The following ZNF398 variants were observed in gnomAD, a reference collection of about 807,000 sequenced individuals.
The protein encoded by ZNF398 is zinc finger protein 398.
ZNF398 carries 18 observed loss-of-function variants against 41.9 expected under a neutral mutation model. The ratio of observed to expected loss-of-function variants is 0.43; its 90% confidence interval spans 0.30 to 0.64. The LOEUF is 0.64. Ranked by LOEUF, ZNF398 falls within the 30% of genes least tolerant of loss-of-function variation. The pLI is 0.14. For synonymous variants in ZNF398, 260 were observed against 308.8 expected (o/e 0.84, Z 1.66); for missense variants, 669 against 822.8 (o/e 0.81, Z 2.29).
chr7:149,166,370 TCTCA>T (rs1795226439), intron 3 of ZNF398, 86 bp downstream of exon 3: 1 of 1,525,118 alleles, frequency 6.6e-7, no homozygotes, highest in Non-Finnish European at 9.0e-7. Context: ...GTGACCTCAT[TCTCA>T]CTCTGTCTTC....
intron 4 of ZNF398, among the ~76,000 whole-genome samples, chr7:149,168,630 G>A (rs568833035): frequency 7.4e-4 from 112 of 152,014 alleles, no homozygotes; most frequent in African/African-American, 2.4e-3. Flanking sequence ...GTGCAGTGGC[G>A]TGATCCTGGC....
chr7:149,163,006 G>A (rs1030542847), intron 2 of ZNF398, among the ~76,000 whole-genome samples: 4 of 152,120 alleles, frequency 2.6e-5, no homozygotes, highest in Non-Finnish European at 5.9e-5. Flanking sequence ...TTCAGAGGCT[G>A]AAGTAGCAGA....
At chr7:149,133,082 G>T (rs913932087) in intron 2 of ZNF398, among the ~76,000 whole-genome samples, 8 of 151,362 alleles carry the variant, frequency 5.3e-5, no homozygotes, top group African/African-American at 1.9e-4. Flanking sequence ...TAGGTTTTAG[G>T]CTGGCTTCTT....
intron 1 of ZNF398, among the ~76,000 whole-genome samples, chr7:149,127,833 G>T (rs1343684901): frequency 2.6e-5 from 4 of 151,656 alleles, no homozygotes; most frequent in African/African-American, 9.7e-5. Flanking sequence ...ATACGGAAGA[G>T]CCCTGTCCCA....
chr7:149,132,458 C>A (rs111532888), intron 2 of ZNF398, among the ~76,000 whole-genome samples: 4 of 152,002 alleles, frequency 2.6e-5, no homozygotes, highest in African/African-American at 4.8e-5. Flanking sequence ...CCTCCCAAAG[C>A]GCTGGGAATA....
upstream of ZNF398, among the ~76,000 whole-genome samples, chr7:149,145,873 A>ACTGCTGTT (rs1385410100): frequency 6.7e-6 from 1 of 150,206 alleles, no homozygotes; most frequent in African/African-American, 2.5e-5. Flanking sequence ...CAAGGAACCT[A>ACTGCTGTT]CTGCTGTTAC....
intron 2 of ZNF398, among the ~76,000 whole-genome samples, chr7:149,138,201 CA>C (rs1208948059): frequency 4.3e-4 from 31 of 72,802 alleles, no homozygotes; most frequent in Admixed American, 9.4e-4. Context: ...AACTCTGTCT[CA>C]AAAAAAAAAA....
At chr7:149,177,612 A>G (rs367798170) in intron 5 of ZNF398, among the ~76,000 whole-genome samples, 4 of 152,322 alleles carry the variant, frequency 2.6e-5, no homozygotes, top group Non-Finnish European at 5.9e-5. Context: ...GTCAAGATGC[A>G]TAGCAGAAAT....
chr7:149,138,555 G>T (rs1362753626), intron 2 of ZNF398, among the ~76,000 whole-genome samples: 1 of 152,136 alleles, frequency 6.6e-6, no homozygotes, highest in Non-Finnish European at 1.5e-5. Context: ...ACTCCAGCCT[G>T]GGTGACACAG....
intron 2 of ZNF398, among the ~76,000 whole-genome samples, chr7:149,163,291 G>A (rs1334741035): frequency 2.0e-5 from 3 of 151,846 alleles, no homozygotes; most frequent in Admixed American, 6.6e-5. Context: ...TGGAACCTCC[G>A]CCTCCCAGGT....
chr7:149,155,707 A>ATATATATATTTTTTTTTTTTTTTTTTTT (rs1794954712), intron 2 of ZNF398, among the ~76,000 whole-genome samples: 1 of 73,578 alleles, frequency 1.4e-5, no homozygotes, highest in Non-Finnish European at 2.4e-5. Context: ...ATATATATAT[A>ATATATATATTTTTTTTTTTTTTTTTTTT]TTTTTTTTTT....
chr7:149,162,129 C>T (rs1359668023), intron 2 of ZNF398, among the ~76,000 whole-genome samples: 4 of 152,064 alleles, frequency 2.6e-5, no homozygotes, highest in South Asian at 2.1e-4. Flanking sequence ...TCAAGTGAGA[C>T]TCTTGACTCA....
At chr7:149,155,592 G>C (rs1316556416) in intron 2 of ZNF398, among the ~76,000 whole-genome samples, 2 of 151,320 alleles carry the variant, frequency 1.3e-5, no homozygotes, top group Non-Finnish European at 2.9e-5. Context: ...TGATGTGTAG[G>C]GCATTTAAGA....
chr7:149,150,893 A>G (rs934729315), intron 1 of ZNF398, among the ~76,000 whole-genome samples: 5 of 152,128 alleles, frequency 3.3e-5, no homozygotes, highest in African/African-American at 4.8e-5. Context: ...ATTTTTTAGT[A>G]GAGATAGGGT....
At chr7:149,158,069 A>G (rs1172305112) in intron 2 of ZNF398, among the ~76,000 whole-genome samples, 2 of 152,114 alleles carry the variant, frequency 1.3e-5, no homozygotes, top group Non-Finnish European at 2.9e-5. Flanking sequence ...GCAACAGAGC[A>G]AGACTCCGTC....
intron 4 of ZNF398, among the ~76,000 whole-genome samples, chr7:149,169,047 A>C (rs1202453): frequency 0.86 from 131,120 of 152,210 alleles, 56,626 homozygotes; most frequent in Middle Eastern, 0.96. Flanking sequence ...TCTGTCATAG[A>C]CCTCAGCAAG....
chr7:149,138,193 C>G (rs1826752829), intron 2 of ZNF398, among the ~76,000 whole-genome samples: 1 of 144,304 alleles, frequency 6.9e-6, no homozygotes, highest in Non-Finnish European at 1.5e-5. Flanking sequence ...AAGAGCGAAA[C>G]TCTGTCTCAA....
In ZNF398 at chr7:149,147,486, C is replaced by A; in HGVS notation, c.-257C>A. On this transcript the variant is annotated 5_prime_UTR_variant, in exon 1 of 6. Transcript: ENST00000475153. The surrounding 1 kb of genome is among the most constrained non-coding windows in gnomAD (Gnocchi z 5.6). ...TGCCCACAAAGCGCCAGCTGAGGGG[C>A]CGCTGCGGGTGGAGTGCGGCGGAGT... 1 of 294,966 alleles carries A rather than the reference C, an allele frequency of 3.4e-6. No homozygotes were observed. The highest frequency in any genetic ancestry group is 6.2e-6 in the Non-Finnish European group (1 of 162,246). 18.3% of individuals were successfully genotyped at this position (294,966 alleles called of 1,614,324 possible).
chr7:149,155,736 T>A (rs1381894064), intron 2 of ZNF398, among the ~76,000 whole-genome samples: 28 of 101,974 alleles, frequency 2.7e-4, no homozygotes, highest in African/African-American at 7.0e-4. Context: ...TTTTAATTTT[T>A]TTTTTTTTGA....
Sources: allele counts gnomAD v4.1 joint callset (sites outside exome capture counted in the v4.1 genomes callset), GRCh38; gene constraint gnomAD v4.1.1; non-coding constraint Gnocchi (gnomAD v3.1); transcripts MANE v1.5; gene names NCBI Gene and HGNC (gene_info 2026-07-23, HGNC 2026-07-21).